NCOA3: variants seen among roughly 807,000 people sequenced by gnomAD.
NCOA3 encodes the protein CBP-interacting protein.
In NCOA3, 51 loss-of-function variants were observed where a neutral mutation model predicts 158.8. The ratio of observed to expected loss-of-function variants is 0.32; its 90% confidence interval spans 0.26 to 0.41. The LOEUF (loss-of-function observed/expected upper bound fraction) is 0.41. Among genes scored for constraint, NCOA3 ranks in the 10% least tolerant of loss-of-function variants. NCOA3 has a pLI of 1.00. For synonymous variants in NCOA3, 537 were observed against 592.4 expected (o/e 0.91, Z 1.36); for missense variants, 1,510 against 1,746.6 (o/e 0.86, Z 2.41).
intron 1 of NCOA3, among the ~76,000 whole-genome samples, chr20:47,522,613 G>T (rs908526935): frequency 1.3e-5 from 2 of 151,974 alleles, no homozygotes; most frequent in Non-Finnish European, 2.9e-5. Flanking sequence ...GCTCGGGATT[G>T]GTTTGACTCA....
intron 1 of NCOA3, among the ~76,000 whole-genome samples, chr20:47,554,939 G>A (rs904670885): frequency 9.2e-5 from 14 of 152,144 alleles, no homozygotes; most frequent in East Asian, 3.9e-4. Flanking sequence ...GAGGCATCAC[G>A]CTACCTGACT....
At chr20:47,534,266 TAAA>T (rs11476485) in intron 1 of NCOA3, among the ~76,000 whole-genome samples, 6 of 140,722 alleles carry the variant, frequency 4.3e-5, no homozygotes, top group Admixed American at 7.2e-5. Flanking sequence ...TGGGATTCTT[TAAA>T]AAAAAAAAAA....
chr20:47,611,042 G>A (rs2086034207), intron 2 of NCOA3, among the ~76,000 whole-genome samples: 1 of 152,064 alleles, frequency 6.6e-6, no homozygotes, highest in Non-Finnish European at 1.5e-5. Context: ...TACACTTTAT[G>A]TACCATCCTT....
At chr20:47,599,353 T>C (rs1239427518) in intron 2 of NCOA3, among the ~76,000 whole-genome samples, 1 of 151,080 alleles carries the variant, frequency 6.6e-6, no homozygotes, top group Non-Finnish European at 1.5e-5. Context: ...CAGGGGTGAA[T>C]AGGTGGAAGG....
chr20:47,513,090 G>A lies in NCOA3; in HGVS notation c.-99+11071G>A, dbSNP rs117401974. On this transcript the variant is annotated intron_variant, in intron 1 of 22. Coordinates refer to ENST00000371998, the MANE Select transcript of NCOA3 (RefSeq NM_181659.3). ...TGAGAATAGCTGAGGCATGAGAAGA[G>A]CCCAGAAGGCAGAGGTTGCAGTGAG... is the stretch of plus-strand genomic sequence containing the variant. Among the ~76,000 whole-genome samples, 444 of 152,112 alleles carry A rather than the reference G, an allele frequency of 2.9e-3. 10 individuals are homozygous for A. In the East Asian group the frequency reaches 0.056, roughly 19 times the overall value.
Position 47,634,038 on chromosome 20 carries a change from T to C in NCOA3, c.965-10T>C. The C allele has an allele frequency of 6.2e-7, 1 of 1,613,984 alleles. No individual in the cohort carries two copies. Among genetic ancestry groups the C allele is most frequent in the Non-Finnish European group, 8.5e-7 (1 of 1,179,942 alleles). On this transcript the variant is annotated splice_polypyrimidine_tract_variant and intron_variant, in intron 9 of 22. Coordinates refer to ENST00000371998, the MANE Select transcript of NCOA3 (RefSeq NM_181659.3). ...TGTAGTTACCAGTGATGGGATATTT[T>C]CCCCAACAGCTTATCTTAATGGCCA...
rs751071676 is a variant in NCOA3, at chr20:47,656,816, G to C, written c.*3399G>C. 2.0e-5 allele frequency: 3 copies of C among 151,260 alleles called. No homozygotes were observed. The highest frequency in any genetic ancestry group is 1.3e-4 in the Admixed American group (2 of 15,168). 9.4% of individuals were successfully genotyped at this position (151,260 alleles called of 1,614,324 possible). A position where few individuals can be genotyped will look rare whatever the true frequency, so the allele number is the denominator to read the frequency against. ...AATGACTTATGGGGGATGGTGAGCT[G>C]TGACTGCTTTGCTGACCATTTTGGA... On this transcript the variant is annotated 3_prime_UTR_variant, in exon 23 of 23. Transcript: ENST00000371998.
intron 1 of NCOA3, among the ~76,000 whole-genome samples, chr20:47,548,088 C>T (rs2146146798): frequency 6.6e-6 from 1 of 151,942 alleles, no homozygotes; most frequent in African/African-American, 2.4e-5. Context: ...TCTAGAAATC[C>T]ATTTAAGATG....
At chr20:47,547,944 T>C (rs2084860027) in intron 1 of NCOA3, among the ~76,000 whole-genome samples, 2 of 151,448 alleles carry the variant, frequency 1.3e-5, no homozygotes, top group Non-Finnish European at 1.5e-5. Context: ...TTGGCCAGGC[T>C]GGTCTTGAAC....
At chr20:47,591,122 A>T (rs1372207361) in intron 2 of NCOA3, among the ~76,000 whole-genome samples, 1 of 152,086 alleles carries the variant, frequency 6.6e-6, no homozygotes, top group Non-Finnish European at 1.5e-5. Flanking sequence ...GACAAAAAAC[A>T]AAAGACAAAA....
At chr20:47,548,508 C>T (rs2084870843) in intron 1 of NCOA3, among the ~76,000 whole-genome samples, 2 of 151,948 alleles carry the variant, frequency 1.3e-5, no homozygotes, top group African/African-American at 4.8e-5. Context: ...CATGCCACTG[C>T]ACTCCAGCCT....
chr20:47,633,995 T>C, intron 9 of NCOA3, 53 bp from the exon 10 acceptor site: 1 of 1,601,042 alleles, frequency 6.2e-7, no homozygotes, highest in Non-Finnish European at 8.5e-7. Context: ...CCCTCCTATA[T>C]ATATTTGTTT....
At chr20:47,648,193 C>T (rs1602543180) in intron 18 of NCOA3, among the ~76,000 whole-genome samples, 1 of 151,754 alleles carries the variant, frequency 6.6e-6, no homozygotes, top group South Asian at 2.1e-4. Flanking sequence ...GTGTGAGCCA[C>T]CGTGTGCGGC....
At chr20:47,538,103 C>A (rs1024597626) in intron 1 of NCOA3, among the ~76,000 whole-genome samples, 6 of 151,198 alleles carry the variant, frequency 4.0e-5, no homozygotes, top group Admixed American at 2.6e-4. Context: ...TGGTCTTGAA[C>A]TCCTGACTTC....
chr20:47,622,152 T>C, intron 2 of NCOA3, 77 bp from the exon 3 acceptor site: 1 of 698,248 alleles, frequency 1.4e-6, no homozygotes, highest in African/African-American at 1.9e-5. Context: ...GTTGCAGTCA[T>C]TCAGTCATAT....
At chr20:47,576,391 G>A (rs1282402081) in intron 1 of NCOA3, among the ~76,000 whole-genome samples, 1 of 152,068 alleles carries the variant, frequency 6.6e-6, no homozygotes, top group Non-Finnish European at 1.5e-5. Flanking sequence ...CCTCATGGAG[G>A]AAAATCCATC....
chr20:47,593,635 G>A (rs1568710624), intron 2 of NCOA3, among the ~76,000 whole-genome samples: 2 of 152,018 alleles, frequency 1.3e-5, no homozygotes, highest in Admixed American at 1.3e-4. Context: ...GAGCCACTGC[G>A]CCTGGCCAAG....
chr20:47,584,278 G>T (rs1487495906), intron 2 of NCOA3, among the ~76,000 whole-genome samples: 1 of 152,098 alleles, frequency 6.6e-6, no homozygotes, highest in Non-Finnish European at 1.5e-5. Flanking sequence ...ATGGGCAACA[G>T]TATGAAACCT....
chr20:47,651,517 ACT>A (rs1304803645), intron 20 of NCOA3, among the ~76,000 whole-genome samples: 6 of 152,030 alleles, frequency 3.9e-5, no homozygotes, highest in Admixed American at 3.3e-4. Context: ...GAGTCCCCAA[ACT>A]CTGGAAGAAA....
Sources: allele counts gnomAD v4.1 joint callset (sites outside exome capture counted in the v4.1 genomes callset), GRCh38; gene constraint gnomAD v4.1.1; transcripts MANE v1.5; gene names NCBI Gene and HGNC (gene_info 2026-07-23, HGNC 2026-07-21).